Variants in CDKN2A observed in about 807,000 individuals in gnomAD.
CDKN2A encodes cyclin-dependent kinase inhibitor 2A.
CDKN2A carries 3 observed loss-of-function variants against 11.1 expected under a neutral mutation model. The observed-to-expected ratio is 0.27, with a 90% CI of 0.12 to 0.70. The LOEUF is 0.70. Among genes scored for constraint, CDKN2A ranks in the 30% least tolerant of loss-of-function variants. The probability of loss-of-function intolerance (pLI) is 0.77; values close to 1 mark genes in which losing one functional copy is unlikely to be tolerated. For synonymous variants in CDKN2A, 122 were observed against 108.1 expected (o/e 1.13, Z -0.80); for missense variants, 265 against 233.6 (o/e 1.13, Z -0.88).
chr9:21,985,648 C>A (rs1171863188), intron 2 of CDKN2A, among the ~76,000 whole-genome samples: 1 of 151,836 alleles, frequency 6.6e-6, no homozygotes, highest in Non-Finnish European at 1.5e-5. Context: ...TCTAAAGCTA[C>A]CTTGATTTCC....
In CDKN2A at chr9:21,971,111, T is replaced by C. The variant is rs1057519881; in HGVS notation, c.248A>G (p.His83Arg). Reference sequence around the variant, plus strand: ...CAGGAAGCCCTCCCGGGCAGCGTCGTGCACGGGTCGGGTGAGAGTGGCGGG... The same window carrying C: ...CAGGAAGCCCTCCCGGGCAGCGTCGCGCACGGGTCGGGTGAGAGTGGCGGG... ...ADPATLTRPV[H>R]DAAREGFLDT... The change falls in exon 2 of 3, where the codon CAC (histidine) becomes CGC (arginine). Residue 83 changes from histidine to arginine, a missense_variant. Coordinates refer to ENST00000304494, the MANE Select transcript of CDKN2A (RefSeq NM_000077.5). The C allele has an allele frequency of 6.2e-7, 1 of 1,604,494 alleles. No homozygotes were observed. The highest frequency in any genetic ancestry group is 2.2e-5 in the East Asian group (1 of 44,850).
chr9:21,990,161 G>A (rs374728802), intron 2 of CDKN2A, among the ~76,000 whole-genome samples: 61 of 152,216 alleles, frequency 4.0e-4, no homozygotes, highest in African/African-American at 1.4e-3. Flanking sequence ...GTGGGGTGGG[G>A]TAGTGGGGGC....
intron 2 of CDKN2A, 76 bp downstream of exon 2, chr9:21,970,826 C>T (rs2131090537): frequency 5.7e-6 from 9 of 1,574,566 alleles, no homozygotes; most frequent in South Asian, 1.1e-5. Context: ...CCGGGCTGAA[C>T]TTTCTGTGCT....
intron 2 of CDKN2A, among the ~76,000 whole-genome samples, chr9:21,982,380 T>C (rs1820215036): frequency 6.6e-6 from 1 of 152,176 alleles, no homozygotes; most frequent in South Asian, 2.1e-4. Context: ...TTTAAATCTA[T>C]GTGAGAAATT....
intron 2 of CDKN2A, among the ~76,000 whole-genome samples, chr9:21,990,468 G>C (rs1439726938): frequency 2.6e-5 from 4 of 152,086 alleles, no homozygotes; most frequent in African/African-American, 9.7e-5. Context: ...CTGTTACCGT[G>C]TGTCAAAGGC....
At chr9:21,969,834 T>A in intron 2 of CDKN2A, 1 of 397,500 alleles carries the variant, frequency 2.5e-6, no homozygotes, top group South Asian at 1.3e-4. Flanking sequence ...AGGGGCCGAG[T>A]AAAGAAGAAC....
rs1163759290 is a variant in CDKN2A, at chr9:21,988,041, C to G, written c.-4+5841G>C. 6.6e-6 allele frequency among the ~76,000 whole-genome samples: 1 copy of G among 152,158 alleles called. No individual in the cohort carries two copies. The highest frequency in any genetic ancestry group is 2.4e-5 in the African/African-American group (1 of 41,438). ...CATACTTTTAAAATTTCTAGTTACT[C>G]ACATAATTCAATTAAGAAAGCAGAG... On this transcript the variant is annotated intron_variant, in intron 2 of 3. Coordinates refer to the CDKN2A transcript ENST00000494262. This position sits in a 1 kb window ranked among gnomAD's most constrained non-coding sequence, Gnocchi z 4.1.
intron 2 of CDKN2A, chr9:21,992,083 G>A (rs1358634725): frequency 2.3e-6 from 2 of 886,084 alleles, no homozygotes; most frequent in Non-Finnish European, 2.7e-6. Flanking sequence ...TTTAGTATAT[G>A]TATTTCCAAT....
intron 2 of CDKN2A, among the ~76,000 whole-genome samples, chr9:21,969,140 C>A (rs947439123): frequency 6.6e-6 from 1 of 152,200 alleles, no homozygotes; most frequent in Non-Finnish European, 1.5e-5. Context: ...GGCAAGATAG[C>A]TTGGGACTGT....
At chr9:21,990,153 G>A (rs1265079481) in intron 2 of CDKN2A, among the ~76,000 whole-genome samples, 2 of 152,130 alleles carry the variant, frequency 1.3e-5, no homozygotes, top group African/African-American at 2.4e-5. Context: ...GTGTGCTTGT[G>A]GGGTGGGGTA....
intron 2 of CDKN2A, among the ~76,000 whole-genome samples, chr9:21,987,432 C>CACAGAG (rs1311413150): frequency 2.1e-4 from 29 of 138,270 alleles, no homozygotes; most frequent in African/African-American, 7.6e-4. Flanking sequence ...CACACACACA[C>CACAGAG]AGAGAGAGAG....
chr9:21,994,056 A>G, intron 1 of CDKN2A: 1 of 1,449,946 alleles, frequency 6.9e-7, no homozygotes, highest in Non-Finnish European at 9.4e-7. Flanking sequence ...AGCCTGGGCT[A>G]GAGACGAATT....
In CDKN2A at chr9:21,974,330, C is replaced by T. The variant is rs979467894; in HGVS notation, c.150+348G>A. On this transcript the variant is annotated intron_variant, in intron 1 of 2. Coordinates refer to ENST00000304494, the MANE Select transcript of CDKN2A (RefSeq NM_000077.5). The surrounding 1 kb of genome is among the most constrained non-coding windows in gnomAD (Gnocchi z 5.2). ...TGAATTGGAGGCTAAGTAGTCCCAG[C>T]ACATCTTACATTTCTTTAAGACTCC... 1 of 1,278,836 alleles carries T rather than the reference C, an allele frequency of 7.8e-7. No individual in the cohort carries two copies. Among genetic ancestry groups the T allele is most frequent in the Non-Finnish European group, 1.0e-6 (1 of 957,258 alleles). The allele number at this position is 1,278,836 out of a possible 1,614,324, so 79.2% of individuals were successfully genotyped here. A position where few individuals can be genotyped will look rare whatever the true frequency, so the allele number is the denominator to read the frequency against.
rs1820422976 is a variant in CDKN2A at position 21,991,283 on chromosome 9, A to T, written c.-4+2599T>A. Among the ~76,000 whole-genome samples the T allele has an allele frequency of 6.6e-6, 1 of 151,668 alleles. No homozygotes were observed. The highest frequency in any genetic ancestry group is 1.5e-5 in the Non-Finnish European group (1 of 67,970). On this transcript the variant is annotated intron_variant, in intron 2 of 3. Transcript: ENST00000494262. The surrounding 1 kb of genome is among the most constrained non-coding windows in gnomAD (Gnocchi z 5.2). ...CCAACACAAATTCATACACTTTCTTAAAGTATCATGAGTTTTTTTTTTTTT... is the reference window on the plus strand; with the variant it reads ...CCAACACAAATTCATACACTTTCTTTAAGTATCATGAGTTTTTTTTTTTTT...
intron 2 of CDKN2A, among the ~76,000 whole-genome samples, chr9:21,981,946 T>G (rs571285165): frequency 2.0e-5 from 3 of 152,182 alleles, no homozygotes; most frequent in Admixed American, 1.3e-4. Flanking sequence ...GAAAAAACAA[T>G]GTGTCCCTGG....
intron 2 of CDKN2A, chr9:21,993,830 TGTGTGTG>T (rs1361169277): frequency 4.2e-6 from 2 of 481,310 alleles, no homozygotes; most frequent in African/African-American, 3.9e-5. Flanking sequence ...TGTGTGTGTG[TGTGTGTG>T]TGTGTGTGTC....
chr9:21,975,255 G>C, upstream of CDKN2A: 2 of 636,020 alleles, frequency 3.1e-6, no homozygotes, highest in East Asian at 1.4e-4. Flanking sequence ...GTGTTTGAGT[G>C]CGTTCACTCT....
chr9:21,971,276 G>GA (rs1819733952), intron 1 of CDKN2A, 68 bp from the exon 2 acceptor site: 1 of 1,550,706 alleles, frequency 6.4e-7, no homozygotes, highest in Admixed American at 1.9e-5. Context: ...AGCTTGTGTA[G>GA]AGCCCCCTCA....
At position 21,974,491 on chromosome 9, in the gene CDKN2A, T is replaced by C. The variant is rs938648422; in HGVS notation, c.150+187A>G. On this transcript the variant is annotated intron_variant, in intron 1 of 2. Transcript: ENST00000304494. This position sits in a 1 kb window ranked among gnomAD's most constrained non-coding sequence, Gnocchi z 5.2. The stretch of plus-strand genomic sequence containing the variant: ...CGCGTGGCTCCTCATTCCTCTTCCT[T>C]GGCTTCCCAAGCCCCCAGGGCGTCG... 1.1e-5 allele frequency: 17 copies of C among 1,612,992 alleles called. No individual in the cohort carries two copies. Among genetic ancestry groups the C allele is most frequent in the Non-Finnish European group, 1.4e-5 (17 of 1,179,812 alleles).
Sources: allele counts gnomAD v4.1 joint callset (sites outside exome capture counted in the v4.1 genomes callset), GRCh38; gene constraint gnomAD v4.1.1; non-coding constraint Gnocchi (gnomAD v3.1); transcripts MANE v1.5; gene names NCBI Gene and HGNC (gene_info 2026-07-23, HGNC 2026-07-21).